Variants in NCAN observed in about 807,000 individuals in gnomAD.
The protein encoded by NCAN is neurocan, also known as neurocan core protein.
NCAN carries 47 observed loss-of-function variants against 121.8 expected under a neutral mutation model. The ratio of observed to expected loss-of-function variants is 0.39; its 90% CI spans 0.31 to 0.49. NCAN has a LOEUF of 0.49. Ranked by LOEUF, NCAN falls within the 20% of genes least tolerant of loss-of-function variation. The pLI is 0.92. For missense variants in NCAN, 1,517 were observed against 1,773.4 expected (o/e 0.86, Z 2.60); for synonymous variants, 633 against 702.0 (o/e 0.90, Z 1.55).
intron 12 of NCAN, among the ~76,000 whole-genome samples, chr19:19,242,037 A>T (rs1015218305): frequency 1.6e-4 from 24 of 151,972 alleles, no homozygotes; most frequent in African/African-American, 5.8e-4. Context: ...TCTACTAAAA[A>T]TACAAAAATT....
chr19:19,248,691 C>A lies in NCAN; in HGVS notation c.3638-9C>A, dbSNP rs10423874. 2 of 1,610,842 alleles carry A rather than the reference C, an allele frequency of 1.2e-6. No individual in the cohort carries two copies. The highest frequency in any genetic ancestry group is 1.7e-4 in the Middle Eastern group (1 of 5,984). On this transcript the variant is annotated splice_polypyrimidine_tract_variant and intron_variant, in intron 13 of 14. Transcript: ENST00000252575. ...AGCACCTCTCTCACTAGAGATTCCT[C>A]TGTCCCAGTGCTCTGTGGTCCCCCT...
chr19:19,233,592 G>A (rs190820741), intron 8 of NCAN, among the ~76,000 whole-genome samples, 197 bp from the exon 9 acceptor site: 20 of 152,304 alleles, frequency 1.3e-4, no homozygotes, highest in Non-Finnish European at 2.5e-4. Context: ...ATGCTTTGGG[G>A]CAGTTTCTGG....
At chr19:19,242,525 A>G (rs1192183746) in intron 12 of NCAN, among the ~76,000 whole-genome samples, 1 of 151,946 alleles carries the variant, frequency 6.6e-6, no homozygotes, top group Non-Finnish European at 1.5e-5. Context: ...CCCTGTCTCT[A>G]CTAAAAATAA....
intron 12 of NCAN, 28 bp downstream of exon 12, chr19:19,240,713 C>A: frequency 1.2e-6 from 2 of 1,608,108 alleles, no homozygotes; most frequent in Non-Finnish European, 1.7e-6. Context: ...CGGGCCTAGG[C>A]TGCTGAGCCA....
At position 19,224,396 on chromosome 19, in the gene NCAN, A is replaced by G. The variant is rs1262150556; in HGVS notation, c.741A>G (p.Glu247=). The part of the protein sequence containing the change: ...VRSYGRRNPQ[E]LYDVYCFARE... ...GCTATGGGAGGCGCAACCCACAGGA[A>G]CTCTACGATGTGTATTGCTTTGCCC... The change falls in exon 5 of 15, where the codon GAA becomes GAG. Residue 247 remains glutamate, a synonymous_variant. Transcript: ENST00000252575. 1.9e-6 allele frequency: 3 copies of G among 1,613,850 alleles called. No individual in the cohort carries two copies. In the South Asian group the frequency reaches 3.3e-5, roughly 18 times the overall value.
intron 8 of NCAN, 83 bp from the exon 9 acceptor site, chr19:19,233,706 G>A: frequency 1.2e-6 from 1 of 854,072 alleles, no homozygotes; most frequent in Non-Finnish European, 2.0e-6. Context: ...GATTAGAGTG[G>A]TTTGGGGGCC....
At position 19,224,141 on chromosome 19, in the gene NCAN, T is replaced by C. The variant is rs2060826371; in HGVS notation, c.596T>C (p.Phe199Ser). The stretch of plus-strand genomic sequence containing the variant: ...GCCCCTCGGCATCTACAGGCTGCCT[T>C]TGAGGATGGCTTTGACAACTGTGAT... ...IAAPRHLQAA[F>S]EDGFDNCDAG... The change falls in exon 4 of 15, where the codon TTT (phenylalanine) becomes TCT (serine). Residue 199 changes from phenylalanine to serine, a missense_variant. Phe to Ser is a radical substitution (Grantham distance 155). Transcript: ENST00000252575. 6.2e-7 allele frequency: 1 copy of C among 1,608,204 alleles called. No individual in the cohort carries two copies. The highest frequency in any genetic ancestry group is 1.3e-5 in the African/African-American group (1 of 74,852).
In NCAN at chr19:19,224,327, T is replaced by C. The variant is rs773121585; in HGVS notation, c.672T>C (p.Arg224=). The C allele has an allele frequency of 1.2e-6, 2 of 1,613,932 alleles. No homozygotes were observed. The highest frequency in any genetic ancestry group is 1.7e-6 in the Non-Finnish European group (2 of 1,179,944). ...RTVRYPITQS[R]PGCYGDRSSL... ...TCAGGTATCCTATCACCCAGTCCCG[T>C]CCTGGTTGCTATGGCGACCGTAGCA... The change falls in exon 5 of 15, where the codon CGT becomes CGC. Residue 224 remains arginine (R), a synonymous_variant. Transcript: ENST00000252575.
intron 11 of NCAN, chr19:19,238,666 A>G: frequency 1.9e-6 from 1 of 523,392 alleles, no homozygotes; most frequent in Non-Finnish European, 3.5e-6. Flanking sequence ...GCACCATTCC[A>G]GGAATATTGA....
intron 14 of NCAN, chr19:19,249,146 G>A (rs561694039): frequency 7.8e-6 from 3 of 384,880 alleles, no homozygotes; most frequent in South Asian, 8.0e-5. Context: ...GCACAATCTC[G>A]GCTCACTGCA....
At chr19:19,217,651 A>G (rs1322992926) in intron 2 of NCAN, among the ~76,000 whole-genome samples, 7 of 152,240 alleles carry the variant, frequency 4.6e-5, no homozygotes, top group Non-Finnish European at 1.0e-4. Context: ...AGGGCCATAC[A>G]GTGAATCAGT....
intron 13 of NCAN, among the ~76,000 whole-genome samples, chr19:19,247,639 C>T (rs1030212701): frequency 2.0e-5 from 3 of 152,160 alleles, no homozygotes; most frequent in Admixed American, 2.0e-4. Context: ...AATCCTTCCA[C>T]CTCAGCCTCC....
At chr19:19,215,831 G>A (rs1488868333) in intron 1 of NCAN, among the ~76,000 whole-genome samples, 1 of 152,230 alleles carries the variant, frequency 6.6e-6, no homozygotes, top group African/African-American at 2.4e-5. Context: ...GGAGCCGCCA[G>A]TCTGATGGAG....
intron 3 of NCAN, among the ~76,000 whole-genome samples, chr19:19,222,382 G>T (rs979412746): frequency 1.3e-5 from 2 of 152,126 alleles, no homozygotes; most frequent in Non-Finnish European, 2.9e-5. Context: ...GGGTTCAAGC[G>T]ATTCTCCTGC....
Position 19,226,864 on chromosome 19 carries a change from A to G in NCAN, c.1451A>G (p.Lys484Arg). ...ATGCCTAGGAGAAGGGGGCGCTTCA[A>G]AGGGTTGAATGGGCGCTACTTCCAG... is the stretch of plus-strand genomic sequence containing the variant. The part of the protein sequence containing the change: ...DPMPRRRGRF[K>R]GLNGRYFQQQ... Residue 484 changes from lysine (K) to arginine (R), a missense_variant, in exon 7 of 15, where the codon AAA becomes AGA. By Grantham distance (26) the Lys-to-Arg change is conservative. Transcript: ENST00000252575. 6 of 1,612,944 alleles carry G rather than the reference A, an allele frequency of 3.7e-6. No homozygotes were observed. The highest frequency in any genetic ancestry group is 5.1e-6 in the Non-Finnish European group (6 of 1,179,804).
intron 3 of NCAN, among the ~76,000 whole-genome samples, chr19:19,221,657 A>T (rs2060817166): frequency 2.0e-5 from 3 of 152,154 alleles, no homozygotes; most frequent in African/African-American, 7.2e-5. Context: ...AGACTAAGGC[A>T]GGAGGATTGC....
chr19:19,213,513 G>T (rs1177499358), intron 1 of NCAN, among the ~76,000 whole-genome samples: 2 of 148,766 alleles, frequency 1.3e-5, no homozygotes, highest in African/African-American at 4.9e-5. Flanking sequence ...TGTGGGGGGG[G>T]GGGGGCCCGA....
At position 19,227,330 on chromosome 19, in the gene NCAN, C is replaced by T. The variant is rs764563622; in HGVS notation, c.1710C>T (p.Thr570=). Residue 570 remains threonine, a synonymous_variant, in exon 8 of 15, where the codon ACC becomes ACT. Coordinates refer to ENST00000252575, the MANE Select transcript of NCAN (RefSeq NM_004386.3). This position sits in a 1 kb window ranked among gnomAD's most constrained non-coding sequence, Gnocchi z 4.2. ...CAGAGCCCTGGCTGTGGCCCCCTAC[C>T]ATGGTCCCACCCAGCATCTCAGGCC... ...SSPEPWLWPP[T]MVPPSISGHS... 6.2e-7 allele frequency: 1 copy of T among 1,605,126 alleles called. No individual in the cohort carries two copies. Among genetic ancestry groups the T allele is most frequent in the Non-Finnish European group, 8.5e-7 (1 of 1,175,512 alleles).
intron 13 of NCAN, 113 bp downstream of exon 13, chr19:19,245,570 T>A (rs1215817774): frequency 3.9e-6 from 5 of 1,285,966 alleles, no homozygotes; most frequent in Non-Finnish European, 5.3e-6. Context: ...CTCCACCGCC[T>A]GGGTTCAAGC....
Sources: allele counts gnomAD v4.1 joint callset (sites outside exome capture counted in the v4.1 genomes callset), GRCh38; gene constraint gnomAD v4.1.1; non-coding constraint Gnocchi (gnomAD v3.1); transcripts MANE v1.5; gene names NCBI Gene and HGNC (gene_info 2026-07-23, HGNC 2026-07-21).